ZBTB20: variants seen among roughly 807,000 people sequenced by gnomAD.
The protein encoded by ZBTB20 is zinc finger and BTB domain containing 20.
A neutral mutation model predicts 56.9 loss-of-function variants in ZBTB20; 9 were observed. The observed-to-expected ratio is 0.16, with a 90% CI of 0.10 to 0.28. ZBTB20 has a LOEUF of 0.28. Among genes scored for constraint, ZBTB20 ranks in the 10% least tolerant of loss-of-function variants. The probability of loss-of-function intolerance (pLI) is 1.00; values close to 1 mark genes in which losing one functional copy is unlikely to be tolerated. For synonymous variants in ZBTB20, 417 were observed against 420.7 expected (o/e 0.99, Z 0.11); for missense variants, 655 against 1,003.0 (o/e 0.65, Z 4.69).
At chr3:115,016,477 G>A (rs1312938458) in intron 2 of ZBTB20, among the ~76,000 whole-genome samples, 2 of 151,774 alleles carry the variant, frequency 1.3e-5, no homozygotes, top group Non-Finnish European at 2.9e-5. Flanking sequence ...TCCATCTTGG[G>A]TTAATTTTTG....
At chr3:115,041,653 G>T (rs1031439729) in intron 2 of ZBTB20, among the ~76,000 whole-genome samples, 1 of 152,148 alleles carries the variant, frequency 6.6e-6, no homozygotes, top group Non-Finnish European at 1.5e-5. Flanking sequence ...TTACATTGGA[G>T]AAGCTCTATA....
chr3:114,901,462 T>C (rs1428564951), intron 3 of ZBTB20, among the ~76,000 whole-genome samples: 1 of 152,144 alleles, frequency 6.6e-6, no homozygotes, highest in Non-Finnish European at 1.5e-5. Context: ...GAATGTGGAT[T>C]ACAAAAGACT....
intron 7 of ZBTB20, among the ~76,000 whole-genome samples, chr3:114,392,613 C>A (rs1037799720): frequency 6.6e-6 from 1 of 152,200 alleles, no homozygotes; most frequent in Non-Finnish European, 1.5e-5. Flanking sequence ...TGCTATTATG[C>A]CACATTAACA....
chr3:114,730,204 T>G (rs992768999), intron 5 of ZBTB20, among the ~76,000 whole-genome samples: 1 of 150,404 alleles, frequency 6.6e-6, no homozygotes, highest in Non-Finnish European at 1.5e-5. Context: ...TGTTGCAATT[T>G]TGTGTGTGTG....
intron 7 of ZBTB20, among the ~76,000 whole-genome samples, chr3:114,423,472 G>A (rs2089369813): frequency 6.6e-6 from 1 of 152,166 alleles, no homozygotes; most frequent in African/African-American, 2.4e-5. Context: ...TAATGGAAAT[G>A]GGGAAAGCTT....
At chr3:114,968,627 G>GAA (rs1199197840) in intron 3 of ZBTB20, among the ~76,000 whole-genome samples, 2 of 151,492 alleles carry the variant, frequency 1.3e-5, no homozygotes, top group African/African-American at 4.9e-5. Context: ...CACCCAATGA[G>GAA]AAAAAAGAAA....
intron 2 of ZBTB20, among the ~76,000 whole-genome samples, chr3:114,995,959 C>A (rs1478953273): frequency 2.0e-5 from 3 of 151,702 alleles, no homozygotes; most frequent in African/African-American, 7.3e-5. Context: ...TAATATTATT[C>A]ATTAGAAGCA....
At chr3:115,147,009 G>GGGGC (rs2085015736) in intron 1 of ZBTB20, among the ~76,000 whole-genome samples, 1 of 149,122 alleles carries the variant, frequency 6.7e-6, no homozygotes, top group Non-Finnish European at 1.5e-5. Context: ...GGGGCGGGGC[G>GGGGC]GGGCGCGGGG....
intron 3 of ZBTB20, among the ~76,000 whole-genome samples, chr3:114,946,176 G>A (rs1166265985): frequency 6.9e-6 from 1 of 145,512 alleles, no homozygotes; most frequent in Non-Finnish European, 1.5e-5. Context: ...TAATTTATAT[G>A]TACAGAATCC....
chr3:114,510,812 T>C lies in ZBTB20; in HGVS notation c.-294-10421A>G, dbSNP rs147525038. On this transcript the variant is annotated intron_variant, in intron 6 of 11. Transcript: ENST00000675478. ...AGAGAAGTTTGATCTATACTCAGAA[T>C]GTTTAAAAAACATCCGATCTTACAG... is the stretch of plus-strand genomic sequence containing the variant. Among the ~76,000 whole-genome samples the C allele has an allele frequency of 6.3e-3, 962 of 152,256 alleles. 11 individuals are homozygous for C. The highest frequency in any genetic ancestry group is 0.022 in the African/African-American group (901 of 41,554).
chr3:114,845,549 A>G (rs2074657501), intron 4 of ZBTB20, among the ~76,000 whole-genome samples: 1 of 151,842 alleles, frequency 6.6e-6, no homozygotes, highest in Non-Finnish European at 1.5e-5. Context: ...GAACCCCTGC[A>G]AATAAATCAA....
At chr3:114,969,992 T>G (rs1413239159) in intron 3 of ZBTB20, among the ~76,000 whole-genome samples, 1 of 152,246 alleles carries the variant, frequency 6.6e-6, no homozygotes, top group Non-Finnish European at 1.5e-5. Flanking sequence ...AAAAGCATTA[T>G]CTTTCTTGTA....
intron 5 of ZBTB20, among the ~76,000 whole-genome samples, chr3:114,790,353 A>G (rs567445792): frequency 6.6e-6 from 1 of 152,284 alleles, no homozygotes; most frequent in South Asian, 2.1e-4. Context: ...GAAATAACCA[A>G]TGTGAAGAAT....
At chr3:115,144,560 C>A (rs1323735187) in intron 1 of ZBTB20, among the ~76,000 whole-genome samples, 1 of 152,126 alleles carries the variant, frequency 6.6e-6, no homozygotes, top group African/African-American at 2.4e-5. Flanking sequence ...ACTGGTAGTT[C>A]TAAACACCCC....
chr3:114,442,651 TG>T (rs1388697638), intron 7 of ZBTB20, among the ~76,000 whole-genome samples: 3 of 152,182 alleles, frequency 2.0e-5, no homozygotes, highest in Non-Finnish European at 4.4e-5. Flanking sequence ...CTGATTAAAA[TG>T]TAACATTCCT....
chr3:114,536,045 T>C (rs1225764095), intron 6 of ZBTB20, among the ~76,000 whole-genome samples: 1 of 152,204 alleles, frequency 6.6e-6, no homozygotes, highest in East Asian at 1.9e-4. Flanking sequence ...AATACCATAC[T>C]GAATGGGCAA....
rs116374847 is a variant in ZBTB20 at position 114,992,003 on chromosome 3, C to T, written c.-506-17587G>A. Among the ~76,000 whole-genome samples, 545 of 151,840 alleles carry T rather than the reference C, an allele frequency of 3.6e-3. 3 individuals carry two copies. Among genetic ancestry groups the T allele is most frequent in the African/African-American group, 0.012 (516 of 41,462 alleles). On this transcript the variant is annotated intron_variant, in intron 2 of 11. Transcript: ENST00000675478. ...TATTTTGAGCCTATGTGTCTATGCA[C>T]GTTCTTATCTCTCTTTCTCTCCTAA...
chr3:114,552,120 G>A (rs1173339789), intron 6 of ZBTB20, among the ~76,000 whole-genome samples: 1 of 152,168 alleles, frequency 6.6e-6, no homozygotes, highest in African/African-American at 2.4e-5. Flanking sequence ...GGGGTGAGGT[G>A]GGAGGATCAT....
At chr3:114,827,151 C>G (rs1265889899) in intron 4 of ZBTB20, among the ~76,000 whole-genome samples, 1 of 151,720 alleles carries the variant, frequency 6.6e-6, no homozygotes, top group African/African-American at 2.4e-5. Context: ...TAGTATTATA[C>G]TCACAGCTTT....
Sources: gnomAD v4.1 joint callset for allele counts (sites outside exome capture counted in the v4.1 genomes callset) on GRCh38, gnomAD v4.1.1 for gene constraint, MANE v1.5 for transcripts, NCBI Gene and HGNC (gene_info 2026-07-23, HGNC 2026-07-21) for gene names.